The following CLEC9A variants were observed in gnomAD, a reference collection of about 807,000 sequenced individuals.
The protein encoded by CLEC9A is C-type lectin domain family 9 member A.
CLEC9A carries 24 observed loss-of-function variants against 30.0 expected under a neutral mutation model. The ratio of observed to expected loss-of-function variants is 0.80; its 90% confidence interval spans 0.58 to 1.13. CLEC9A has a LOEUF of 1.13. Ranked by LOEUF, CLEC9A falls within the 50% of genes most tolerant of loss-of-function variation. The probability of loss-of-function intolerance (pLI) is 0.00; values close to 1 mark genes in which losing one functional copy is unlikely to be tolerated. For missense variants in CLEC9A, 251 were observed against 280.9 expected, an observed-to-expected ratio of 0.89 and a Z score of 0.76; for synonymous variants, 111 against 96.8, an observed-to-expected ratio of 1.15 and a Z score of -0.86.
At chr12:10,038,361 T>C (rs1865761236) in intron 1 of CLEC9A, among the ~76,000 whole-genome samples, 1 of 152,140 alleles carries the variant, frequency 6.6e-6, no homozygotes, top group Non-Finnish European at 1.5e-5. Flanking sequence ...TGGAAGACCA[T>C]TTTAAGTGAA....
At chr12:10,064,515 C>A (rs1034628274) in intron 7 of CLEC9A, among the ~76,000 whole-genome samples, 1 of 152,128 alleles carries the variant, frequency 6.6e-6, no homozygotes, top group African/African-American at 2.4e-5. Context: ...TCCCAGTTGC[C>A]TATTTTTTTC....
chr12:10,041,554 A>G lies in CLEC9A; in HGVS notation c.-229A>G, dbSNP rs1293350772. On this transcript the variant is annotated 5_prime_UTR_variant, in exon 2 of 9. Coordinates refer to ENST00000355819, the MANE Select transcript of CLEC9A (RefSeq NM_207345.4). ...TCTTCAAACACAACTTGACATGGAA[A>G]GAGAGTGAGCAGTACTGCACTGACA... 5.9e-6 allele frequency: 3 copies of G among 505,584 alleles called. No individual in the cohort carries two copies. The Admixed American group carries it at 6.5e-5, about 11-fold the overall frequency. The allele number at this position is 505,584 out of a possible 1,614,324, so 31.3% of individuals were successfully genotyped here. A position where few individuals can be genotyped will look rare whatever the true frequency, so the allele number is the denominator to read the frequency against.
At chr12:10,057,319 G>T (rs1408089095) in intron 5 of CLEC9A, among the ~76,000 whole-genome samples, 1 of 151,740 alleles carries the variant, frequency 6.6e-6, no homozygotes, top group African/African-American at 2.4e-5. Flanking sequence ...AGACAAATAT[G>T]AAAACATATT....
At chr12:10,044,736 G>A (rs1865830845) in intron 2 of CLEC9A, among the ~76,000 whole-genome samples, 1 of 152,026 alleles carries the variant, frequency 6.6e-6, no homozygotes, top group Non-Finnish European at 1.5e-5. Context: ...CTTTACCACT[G>A]TCAGAAATTT....
rs1866041453 is a variant in CLEC9A, at chr12:10,065,838, A to G, written c.*206A>G. The G allele has an allele frequency of 4.0e-6, 2 of 500,732 alleles. No individual in the cohort carries two copies. The highest frequency in any genetic ancestry group is 3.7e-5 in the Admixed American group (1 of 26,986). 31.0% of individuals were successfully genotyped at this position (500,732 alleles called of 1,614,324 possible). ...ATGTTGTTCACATTGCAAGAGTAAA[A>G]CTTATTTAGAGCTACAGAAGACAAA... On this transcript the variant is annotated 3_prime_UTR_variant, in exon 9 of 9. Coordinates refer to ENST00000355819, the MANE Select transcript of CLEC9A (RefSeq NM_207345.4).
chr12:10,034,809 G>T (rs891358289), intron 1 of CLEC9A, among the ~76,000 whole-genome samples: 1 of 152,206 alleles, frequency 6.6e-6, no homozygotes, highest in Non-Finnish European at 1.5e-5. Context: ...TGAAGCCCCA[G>T]TGGGCGTGTG....
At chr12:10,042,421 T>C (rs10772228) in intron 2 of CLEC9A, among the ~76,000 whole-genome samples, 151,193 of 152,348 alleles carry the variant, frequency 0.99, 75,029 homozygotes, top group Middle Eastern at 1. Flanking sequence ...ACTTGTTATT[T>C]TGGGAGGTGT....
At chr12:10,050,290 T>C (rs1865881611) in intron 2 of CLEC9A, among the ~76,000 whole-genome samples, 1 of 152,204 alleles carries the variant, frequency 6.6e-6, no homozygotes, top group Non-Finnish European at 1.5e-5. Flanking sequence ...GAATTACCAA[T>C]ATGTGACACA....
intron 5 of CLEC9A, among the ~76,000 whole-genome samples, chr12:10,060,098 C>T (rs1565593334): frequency 6.6e-6 from 1 of 152,196 alleles, no homozygotes; most frequent in Non-Finnish European, 1.5e-5. Context: ...TCACTCATTC[C>T]TGGTGGAAAT....
intron 2 of CLEC9A, among the ~76,000 whole-genome samples, chr12:10,044,886 A>T (rs1165701296): frequency 1.3e-5 from 2 of 152,208 alleles, no homozygotes; most frequent in Non-Finnish European, 2.9e-5. Context: ...AGTTATGTAG[A>T]TATATGCCAA....
intron 2 of CLEC9A, among the ~76,000 whole-genome samples, chr12:10,051,589 G>A (rs912232904): frequency 8.5e-5 from 13 of 152,068 alleles, no homozygotes; most frequent in Non-Finnish European, 1.5e-4. Flanking sequence ...TTTCCTTCTG[G>A]GGGCCTGATT....
At chr12:10,032,040 AAAC>A (rs958845930) in intron 1 of CLEC9A, among the ~76,000 whole-genome samples, 3 of 152,192 alleles carry the variant, frequency 2.0e-5, no homozygotes, top group East Asian at 1.9e-4. Flanking sequence ...TTGCAAATTA[AAAC>A]AACAATGAGA....
chr12:10,040,446 T>C (rs566173000), intron 1 of CLEC9A, among the ~76,000 whole-genome samples: 3 of 150,882 alleles, frequency 2.0e-5, no homozygotes, highest in South Asian at 2.1e-4. Context: ...TCTTCATACA[T>C]TGGCAATTTT....
At chr12:10,031,569 C>A (rs148673783) in intron 1 of CLEC9A, among the ~76,000 whole-genome samples, 1 of 152,140 alleles carries the variant, frequency 6.6e-6, no homozygotes, top group Non-Finnish European at 1.5e-5. Flanking sequence ...CCAGTGCCCC[C>A]CACCATTTTG....
chr12:10,060,496 G>A (rs1865987145), intron 5 of CLEC9A: 1 of 152,340 alleles, frequency 6.6e-6, no homozygotes, highest in African/African-American at 2.4e-5. Context: ...TGTCATTTAT[G>A]TGATAAAATA....
At chr12:10,049,756 A>G (rs1275983359) in intron 2 of CLEC9A, among the ~76,000 whole-genome samples, 1 of 152,156 alleles carries the variant, frequency 6.6e-6, no homozygotes, top group Non-Finnish European at 1.5e-5. Flanking sequence ...TTGATCTTCT[A>G]TCTAGACCAC....
intron 2 of CLEC9A, among the ~76,000 whole-genome samples, chr12:10,042,434 G>C (rs965409679): frequency 6.6e-6 from 1 of 152,176 alleles, no homozygotes; most frequent in Admixed American, 6.5e-5. Flanking sequence ...GGAGGTGTGA[G>C]AGTATATAAA....
chr12:10,045,311 A>G (rs1042029301), intron 2 of CLEC9A, among the ~76,000 whole-genome samples: 2 of 152,222 alleles, frequency 1.3e-5, no homozygotes, highest in Non-Finnish European at 2.9e-5. Context: ...CTTTTCAGAT[A>G]TACATACCTT....
In CLEC9A at chr12:10,058,281, A is replaced by C. The variant is rs140472308; in HGVS notation, c.173-2846A>C. ...TCTAAGAAGAAAATTATTATTTTTC[A>C]AAGTCTAAACATGCCAGATTATTAA... is the stretch of plus-strand genomic sequence containing the variant. On this transcript the variant is annotated intron_variant, in intron 5 of 8. Transcript: ENST00000355819. Among the ~76,000 whole-genome samples, 1,520 of 152,318 alleles carry C rather than the reference A, an allele frequency of 1.0e-2. 24 individuals carry two copies. The highest frequency in any genetic ancestry group is 0.034 in the African/African-American group (1,423 of 41,560).
Sources: gnomAD v4.1 joint callset for allele counts (sites outside exome capture counted in the v4.1 genomes callset) on GRCh38, gnomAD v4.1.1 for gene constraint, MANE v1.5 for transcripts, NCBI Gene and HGNC (gene_info 2026-07-23, HGNC 2026-07-21) for gene names.